The following SCFD2 variants were observed in gnomAD, a reference collection of about 807,000 sequenced individuals.
SCFD2 encodes sec1 family domain-containing protein 2.
Under a neutral mutation model 58.9 loss-of-function variants are expected in SCFD2, and 54 were observed. The observed-to-expected ratio is 0.92, with a 90% CI of 0.74 to 1.15. The LOEUF is 1.15. Among genes scored for constraint, SCFD2 ranks in the 50% most tolerant of loss-of-function variants. The probability of loss-of-function intolerance (pLI) is 0.00; values close to 1 mark genes in which losing one functional copy is unlikely to be tolerated. For synonymous variants in SCFD2, 321 were observed against 335.9 expected, an observed-to-expected ratio of 0.96 and a Z score of 0.49; for missense variants, 805 against 836.6, an observed-to-expected ratio of 0.96 and a Z score of 0.47.
At chr4:53,254,702 A>G (rs561105161) in intron 4 of SCFD2, among the ~76,000 whole-genome samples, 5 of 151,770 alleles carry the variant, frequency 3.3e-5, no homozygotes, top group South Asian at 2.1e-4. Flanking sequence ...GAAATTTTCA[A>G]TGTGGCACTA....
At chr4:53,027,670 A>C (rs764968091) in intron 5 of SCFD2, among the ~76,000 whole-genome samples, 5 of 151,938 alleles carry the variant, frequency 3.3e-5, no homozygotes, top group Non-Finnish European at 7.4e-5. Flanking sequence ...TTTACAAAAA[A>C]TACAAAAATT....
At chr4:52,992,187 T>C (rs529454929) in intron 5 of SCFD2, among the ~76,000 whole-genome samples, 7 of 152,332 alleles carry the variant, frequency 4.6e-5, no homozygotes, top group African/African-American at 1.7e-4. Flanking sequence ...CCACCACGCC[T>C]GACTGGTTTT....
In SCFD2 at chr4:52,873,714, G is replaced by A. The variant is rs1348054582; in HGVS notation, c.*255C>T. On this transcript the variant is annotated 3_prime_UTR_variant, in exon 9 of 9. Transcript: ENST00000401642. ...CAGAGGGTTAAGGATAAATGGAAAC[G>A]ATCACTAATTGGACTCGCCAAAAGA... 3.4e-6 allele frequency: 1 copy of A among 296,044 alleles called. No individual in the cohort carries two copies. The highest frequency in any genetic ancestry group is 6.3e-6 in the Non-Finnish European group (1 of 157,934). 18.3% of individuals were successfully genotyped at this position (296,044 alleles called of 1,614,324 possible).
intron 4 of SCFD2, among the ~76,000 whole-genome samples, chr4:53,172,412 T>A (rs1727207500): frequency 6.6e-6 from 1 of 152,208 alleles, no homozygotes; most frequent in South Asian, 2.1e-4. Context: ...CTTTTCTAGT[T>A]CCTTGAGATA....
intron 5 of SCFD2, among the ~76,000 whole-genome samples, chr4:53,050,606 A>C (rs563291534): frequency 6.6e-6 from 1 of 152,184 alleles, no homozygotes; most frequent in Non-Finnish European, 1.5e-5. Flanking sequence ...CAGATAATGC[A>C]CCTGATTGCC....
intron 5 of SCFD2, among the ~76,000 whole-genome samples, chr4:53,047,739 T>A (rs1211819066): frequency 6.6e-6 from 1 of 152,232 alleles, no homozygotes; most frequent in African/African-American, 2.4e-5. Context: ...AGGAATGGCA[T>A]ATTTATTTCT....
intron 7 of SCFD2, among the ~76,000 whole-genome samples, chr4:52,897,074 T>G (rs1332542873): frequency 6.6e-6 from 1 of 152,248 alleles, no homozygotes; most frequent in Non-Finnish European, 1.5e-5. Context: ...GATGGGGTTT[T>G]CTAGATATAC....
intron 4 of SCFD2, among the ~76,000 whole-genome samples, chr4:53,177,703 G>A (rs1210715876): frequency 6.6e-6 from 1 of 152,188 alleles, no homozygotes. Context: ...GCGAGCCAAG[G>A]CATCGCCTCA....
At chr4:53,321,151 CA>C (rs2149119433) in intron 2 of SCFD2, among the ~76,000 whole-genome samples, 1 of 76,606 alleles carries the variant, frequency 1.3e-5, no homozygotes, top group East Asian at 3.7e-4. Context: ...TAACCTGCTA[CA>C]AATAGCTCTT....
At chr4:53,098,795 T>TCA (rs1021960988) in intron 5 of SCFD2, among the ~76,000 whole-genome samples, 1 of 151,970 alleles carries the variant, frequency 6.6e-6, no homozygotes, top group African/African-American at 2.4e-5. Context: ...ATATGATTAC[T>TCA]CACACACACA....
At chr4:53,142,041 T>C (rs935116303) in intron 5 of SCFD2, among the ~76,000 whole-genome samples, 13 of 152,242 alleles carry the variant, frequency 8.5e-5, no homozygotes, top group Admixed American at 2.6e-4. Flanking sequence ...CTAGGTATTC[T>C]TTAATACAGT....
chr4:53,284,212 G>T (rs1162582345), intron 3 of SCFD2, among the ~76,000 whole-genome samples: 2 of 150,202 alleles, frequency 1.3e-5, no homozygotes, highest in African/African-American at 4.9e-5. Flanking sequence ...ATGCTGGGTA[G>T]CCAAAAGTCT....
At chr4:53,202,239 C>A (rs983184038) in intron 4 of SCFD2, among the ~76,000 whole-genome samples, 2 of 152,318 alleles carry the variant, frequency 1.3e-5, no homozygotes, top group South Asian at 2.1e-4. Flanking sequence ...CAGCTCTCTA[C>A]ATATGGCCAG....
intron 4 of SCFD2, among the ~76,000 whole-genome samples, chr4:53,256,151 G>T (rs1247278458): frequency 6.7e-6 from 1 of 149,826 alleles, no homozygotes; most frequent in African/African-American, 2.5e-5. Context: ...GGACGGAGGG[G>T]CTCCTCACTT....
At chr4:53,266,256 T>C (rs1283231833) in intron 4 of SCFD2, among the ~76,000 whole-genome samples, 1 of 152,192 alleles carries the variant, frequency 6.6e-6, no homozygotes, top group Admixed American at 6.6e-5. Flanking sequence ...TGAGAATATA[T>C]TAAAGACAGC....
At chr4:52,937,956 C>CA (rs1483446889) in intron 5 of SCFD2, among the ~76,000 whole-genome samples, 1 of 152,114 alleles carries the variant, frequency 6.6e-6, no homozygotes, top group East Asian at 1.9e-4. Context: ...TTAAATTTCA[C>CA]AAAGGTAGTG....
chr4:53,261,458 C>T (rs1730826044), intron 4 of SCFD2, among the ~76,000 whole-genome samples: 1 of 151,984 alleles, frequency 6.6e-6, no homozygotes, highest in South Asian at 2.1e-4. Context: ...TTTTAATTTG[C>T]ATCTTGATTT....
chr4:52,954,733 G>A (rs1720671684), intron 5 of SCFD2, among the ~76,000 whole-genome samples: 1 of 152,146 alleles, frequency 6.6e-6, no homozygotes. Flanking sequence ...CATAAATTAA[G>A]TCCAGGATCT....
At chr4:53,332,083 G>A (rs563857010) in intron 2 of SCFD2, among the ~76,000 whole-genome samples, 143 of 152,086 alleles carry the variant, frequency 9.4e-4, no homozygotes, top group African/African-American at 3.3e-3. Flanking sequence ...AATAACCGGA[G>A]CTGAAATTGT....
Sources: gnomAD v4.1 joint callset for allele counts (sites outside exome capture counted in the v4.1 genomes callset) on GRCh38, gnomAD v4.1.1 for gene constraint, MANE v1.5 for transcripts, NCBI Gene and HGNC (gene_info 2026-07-23, HGNC 2026-07-21) for gene names.